DDX19B: variants seen among roughly 807,000 people sequenced by gnomAD.
The protein encoded by DDX19B is DEAD-box helicase 19B, also known as ATP-dependent RNA helicase DDX19B.
DDX19B carries 27 observed loss-of-function variants against 58.1 expected under a neutral mutation model. The ratio of observed to expected loss-of-function variants is 0.46; its 90% CI spans 0.34 to 0.64. The LOEUF (loss-of-function observed/expected upper bound fraction) is 0.64. Among genes scored for constraint, DDX19B ranks in the 30% least tolerant of loss-of-function variants. DDX19B has a pLI of 0.01. For missense variants in DDX19B, 399 were observed against 596.5 expected (o/e 0.67, Z 3.45); for synonymous variants, 187 against 214.4 (o/e 0.87, Z 1.12).
At chr16:70,328,132 C>T (rs971389636) in intron 7 of DDX19B, among the ~76,000 whole-genome samples, 3 of 150,224 alleles carry the variant, frequency 2.0e-5, no homozygotes, top group East Asian at 2.0e-4. Flanking sequence ...CCAGCCTGGG[C>T]GACAGAATGA....
At chr16:70,308,127 A>G (rs898773028) in intron 1 of DDX19B, among the ~76,000 whole-genome samples, 4 of 151,138 alleles carry the variant, frequency 2.6e-5, no homozygotes, top group Admixed American at 2.0e-4. Flanking sequence ...TAGTTTTTAT[A>G]TTTTTAGTAG....
At chr16:70,312,581 T>TTCCCCC in intron 1 of DDX19B, 28 bp from the exon 2 acceptor site, 1 of 1,608,446 alleles carries the variant, frequency 6.2e-7, no homozygotes, top group South Asian at 1.1e-5. Context: ...TCCTGACACT[T>TTCCCCC]TCCCCCTCCC....
At chr16:70,313,958 C>T (rs1219174562) in intron 2 of DDX19B, among the ~76,000 whole-genome samples, 2 of 151,658 alleles carry the variant, frequency 1.3e-5, no homozygotes, top group African/African-American at 4.8e-5. Context: ...AAAATACAAA[C>T]ATTTGCCAGG....
At chr16:70,304,545 G>C (rs1001941203) in intron 1 of DDX19B, among the ~76,000 whole-genome samples, 11 of 151,024 alleles carry the variant, frequency 7.3e-5, no homozygotes, top group Non-Finnish European at 1.5e-4. Context: ...GCTACTTTTG[G>C]TATTTTTAGT....
In DDX19B at chr16:70,324,581, G is replaced by A. The variant is rs371380921; in HGVS notation, c.390-4G>A. 3.5e-5 allele frequency: 56 copies of A among 1,610,822 alleles called. No individual in the cohort carries two copies. In the Middle Eastern group the frequency reaches 4.9e-4, roughly 14 times the overall value. Reference sequence around the variant, plus strand: ...AGCTCCTAACTAGTTTGTTTCTTGCGCAGCCCACAGAACTTAATTGCCCAA... The same window carrying A: ...AGCTCCTAACTAGTTTGTTTCTTGCACAGCCCACAGAACTTAATTGCCCAA... On this transcript the variant is annotated splice_polypyrimidine_tract_variant and splice_region_variant and intron_variant, in intron 5 of 11. Transcript: ENST00000288071.
rs1182622129 is a variant in DDX19B at position 70,325,580 on chromosome 16, T to C, written c.499T>C (p.Cys167Arg). The change falls in exon 7 of 12, where the codon TGT becomes CGT. Residue 167 changes from cysteine to arginine, a missense_variant. This residue lies in a region of DDX19B where 67 missense variants were observed against 74.3 expected (regional missense o/e 0.90). Transcript: ENST00000288071. ...TGCATTCTTTTCCTGCCAGTGTCTA[T>C]GTCTCTCCCCAACGTATGAGCTCGC... ...EPANKYPQCLCLSPTYELALQ... is the reference protein window; with the variant it reads ...EPANKYPQCLRLSPTYELALQ... 6.2e-7 allele frequency: 1 copy of C among 1,612,704 alleles called. No individual in the cohort carries two copies. The highest frequency in any genetic ancestry group is 1.7e-5 in the Admixed American group (1 of 59,656).
chr16:70,320,960 C>CTTTTT (rs904476486), intron 5 of DDX19B, among the ~76,000 whole-genome samples: 3 of 108,658 alleles, frequency 2.8e-5, no homozygotes, highest in Non-Finnish European at 5.7e-5. Context: ...CCACACTAGG[C>CTTTTT]TTTTTTTTTT....
In DDX19B at chr16:70,313,597, T is replaced by A. The variant is rs528255395; in HGVS notation, c.106+940T>A. On this transcript the variant is annotated intron_variant, in intron 2 of 11. Coordinates refer to ENST00000288071, the MANE Select transcript of DDX19B (RefSeq NM_007242.7). Reference sequence around the variant, plus strand: ...TAATTTTTTTCTTAATGTTCTCAATTTGGGATGAGATAGACAAAGTATGAG... The same window carrying A: ...TAATTTTTTTCTTAATGTTCTCAATATGGGATGAGATAGACAAAGTATGAG... 2.6e-5 allele frequency among the ~76,000 whole-genome samples: 4 copies of A among 152,298 alleles called. No individual in the cohort carries two copies. In the South Asian group the frequency reaches 8.3e-4, roughly 32 times the overall value.
At chr16:70,332,810 A>C (rs1303612229) in intron 10 of DDX19B, among the ~76,000 whole-genome samples, 158 bp from the exon 11 acceptor site, 1 of 152,020 alleles carries the variant, frequency 6.6e-6, no homozygotes, top group African/African-American at 2.4e-5. Flanking sequence ...CTCATACTGC[A>C]CGGCCTTTCA....
chr16:70,317,330 G>A (rs957789350), intron 4 of DDX19B, 166 bp from the exon 5 acceptor site: 9 of 442,986 alleles, frequency 2.0e-5, no homozygotes, highest in East Asian at 3.8e-5. Context: ...GCAGTGAGCC[G>A]AGACTGCACC....
chr16:70,317,005 G>A (rs1297107468), intron 4 of DDX19B, among the ~76,000 whole-genome samples: 1 of 152,042 alleles, frequency 6.6e-6, no homozygotes, highest in Non-Finnish European at 1.5e-5. Context: ...CAGAGATTGA[G>A]ATCATCCTGG....
intron 5 of DDX19B, 27 bp downstream of exon 5, chr16:70,317,615 CATTTT>C (rs779553175): frequency 6.3e-7 from 1 of 1,577,586 alleles, no homozygotes; most frequent in Admixed American, 1.7e-5. Flanking sequence ...AACTCCATTT[CATTTT>C]AGATTTTCTA....
intron 1 of DDX19B, among the ~76,000 whole-genome samples, chr16:70,301,027 A>C (rs1400018829): frequency 1.3e-5 from 2 of 152,132 alleles, no homozygotes; most frequent in East Asian, 1.9e-4. Context: ...AAATTGGACT[A>C]GTTACTCCTG....
At chr16:70,292,807 C>A (rs76001455), upstream of DDX19B, among the ~76,000 whole-genome samples, 22 of 151,028 alleles carry the variant, frequency 1.5e-4, no homozygotes, top group African/African-American at 5.1e-4. Flanking sequence ...CAGCCTGGGC[C>A]GCAGAGTGAA....
upstream of DDX19B, among the ~76,000 whole-genome samples, chr16:70,292,448 C>G (rs568798624): frequency 2.0e-5 from 3 of 152,204 alleles, no homozygotes; most frequent in East Asian, 5.8e-4. Context: ...CGTCCGGCCC[C>G]CTTGTCTCTT....
chr16:70,304,008 TA>T (rs1251808502), intron 1 of DDX19B, among the ~76,000 whole-genome samples: 1 of 152,120 alleles, frequency 6.6e-6, no homozygotes. Context: ...CATTTTGAGT[TA>T]AATTTTTTCT....
chr16:70,309,816 T>TAAAAAA (rs1440374497), intron 1 of DDX19B, among the ~76,000 whole-genome samples: 1 of 3,794 alleles, frequency 2.6e-4, no homozygotes. Flanking sequence ...AGACTCCGTC[T>TAAAAAA]CAAAAAAAAA....
chr16:70,301,957 G>C (rs1379314240), intron 1 of DDX19B, among the ~76,000 whole-genome samples: 3 of 138,754 alleles, frequency 2.2e-5, no homozygotes, highest in Admixed American at 1.5e-4. Flanking sequence ...TTTCGCTCTT[G>C]TCCGCCAGGC....
At chr16:70,324,781 G>A in intron 6 of DDX19B, 94 bp downstream of exon 6, 1 of 1,234,858 alleles carries the variant, frequency 8.1e-7, no homozygotes, top group East Asian at 2.6e-5. Flanking sequence ...GCTGGGTGCA[G>A]TGGCTCATGC....
Sources: gnomAD v4.1 joint callset for allele counts (sites outside exome capture counted in the v4.1 genomes callset) on GRCh38, gnomAD v4.1.1 for gene constraint, gnomAD v4.1.1 regional missense constraint, MANE v1.5 for transcripts, NCBI Gene and HGNC (gene_info 2026-07-23, HGNC 2026-07-21) for gene names.